Variants in CYB561 observed in about 807,000 individuals in gnomAD.
CYB561 encodes cytochrome b561, also known as transmembrane ascorbate-dependent reductase CYB561.
A neutral mutation model predicts 25.3 loss-of-function variants in CYB561; 11 were observed. The observed-to-expected ratio is 0.44, with a 90% CI of 0.27 to 0.72. CYB561 has a LOEUF of 0.72. Ranked by LOEUF, CYB561 falls within the 30% of genes least tolerant of loss-of-function variation. The pLI is 0.18. For synonymous variants in CYB561, 165 were observed against 158.8 expected, an observed-to-expected ratio of 1.04 and a Z score of -0.29; for missense variants, 295 against 334.9, an observed-to-expected ratio of 0.88 and a Z score of 0.93.
intron 4 of CYB561, 132 bp from the exon 5 acceptor site, chr17:63,435,375 T>TCC: frequency 1.0e-6 from 1 of 981,820 alleles, no homozygotes; most frequent in Non-Finnish European, 1.5e-6. Context: ...TCCTTCCTCC[T>TCC]CAGCACAGTG....
At position 63,434,414 on chromosome 17, in the gene CYB561, G is replaced by A. The variant is rs148303921; in HGVS notation, c.744C>T (p.Pro248=). The A allele has an allele frequency of 6.5e-5, 102 of 1,570,722 alleles. No homozygotes were observed. Among genetic ancestry groups the A allele is most frequent in the African/African-American group, 2.7e-4 (20 of 74,062 alleles). ...CCGGCCGGGCGCATCACTGGGAGCC[G>A]GGGCTATCTCCCTCCGTCAGCGTCT... The part of the protein sequence containing the change: ...DFKTLTEGDS[P]GSQ Residue 248 remains proline (P), a synonymous_variant, in exon 6 of 6, where the codon CCC becomes CCT. Transcript: ENST00000360793.
intron 5 of CYB561, among the ~76,000 whole-genome samples, 198 bp from the exon 6 acceptor site, chr17:63,434,792 C>T (rs1010073944): frequency 1.3e-5 from 2 of 152,108 alleles, no homozygotes; most frequent in African/African-American, 4.8e-5. Context: ...AAGAGATGGG[C>T]AATGTAAAAA....
At chr17:63,442,207 G>T (rs982788291) in intron 1 of CYB561, among the ~76,000 whole-genome samples, 1 of 152,242 alleles carries the variant, frequency 6.6e-6, no homozygotes, top group African/African-American at 2.4e-5. Flanking sequence ...CTTTACAGGA[G>T]ATAAGCGGAA....
chr17:63,435,163 G>C lies in CYB561; in HGVS notation c.486C>G (p.Phe162Leu), dbSNP rs1222556907. 2 of 1,614,190 alleles carry C rather than the reference G, an allele frequency of 1.2e-6. No homozygotes were observed. Among genetic ancestry groups the C allele is most frequent in the South Asian group, 2.2e-5 (2 of 91,088 alleles). The change falls in exon 5 of 6, where the codon TTC becomes TTG. Residue 162 changes from phenylalanine to leucine, a missense_variant. Coordinates refer to ENST00000360793, the MANE Select transcript of CYB561 (RefSeq NM_001915.4). ...AAAGGAGGAAGATGGTAGCACCAAA[G>C]AAGATGTGCTGTGGGCGGTAGCGGC... ...LRSRYRPQHI[F>L]FGATIFLLSV...
chr17:63,434,029 G>A lies in CYB561; in HGVS notation c.*373C>T, dbSNP rs1213211804. 4.1e-6 allele frequency: 1 copy of A among 246,306 alleles called. No homozygotes were observed. The highest frequency in any genetic ancestry group is 7.8e-6 in the Non-Finnish European group (1 of 128,976). 15.3% of individuals were successfully genotyped at this position (246,306 alleles called of 1,614,324 possible). ...GTGGCCTTTCCAGGCCTGTCCCTGA[G>A]GCCCCCCCAGTTTCCCCTGGCCTTG... On this transcript the variant is annotated 3_prime_UTR_variant, in exon 6 of 6. Coordinates refer to ENST00000360793, the MANE Select transcript of CYB561 (RefSeq NM_001915.4).
At position 63,436,272 on chromosome 17, in the gene CYB561, C is replaced by CG; in HGVS notation, c.203-121_203-120insC. ...TGAGCTGACGGCTTGTAACAGGAGC[C>CG]TAGCTGCAGGAACCGGAGGAGAAAG... On this transcript the variant is annotated intron_variant, in intron 2 of 5. Coordinates refer to ENST00000360793, the MANE Select transcript of CYB561 (RefSeq NM_001915.4). The surrounding 1 kb of genome is among the most constrained non-coding windows in gnomAD (Gnocchi z 4.8). The CG allele has an allele frequency of 7.8e-7, 1 of 1,277,260 alleles. No individual in the cohort carries two copies. The allele number at this position is 1,277,260 out of a possible 1,614,324, so 79.1% of individuals were successfully genotyped here. A position where few individuals can be genotyped will look rare whatever the true frequency, so the allele number is the denominator to read the frequency against.
intron 1 of CYB561, chr17:63,445,835 C>T (rs1243857386): frequency 6.6e-6 from 1 of 152,266 alleles, no homozygotes; most frequent in Non-Finnish European, 1.5e-5. Context: ...GAGGCGGTGG[C>T]TCCGGTTTCA....
At chr17:63,444,365 C>T (rs747222414) in intron 1 of CYB561, among the ~76,000 whole-genome samples, 47 of 152,226 alleles carry the variant, frequency 3.1e-4, no homozygotes, top group Non-Finnish European at 2.9e-4. Flanking sequence ...AAGCCTGCTT[C>T]CTAATCTATA....
chr17:63,438,394 T>C lies in CYB561; in HGVS notation c.-13-834A>G, dbSNP rs1347241317. ...TCCCCCATCCTGGTTTTTAACTCCA[T>C]GCTGGCGATGAGGAGGCCTCCCCAC... On this transcript the variant is annotated intron_variant, in intron 1 of 5. Transcript: ENST00000360793. 3 of 570,520 alleles carry C rather than the reference T, an allele frequency of 5.3e-6. No individual in the cohort carries two copies. The Admixed American group carries it at 9.1e-5, about 17-fold the overall frequency. The allele number at this position is 570,520 out of a possible 1,614,324, so 35.3% of individuals were successfully genotyped here.
At position 63,433,691 on chromosome 17, in the gene CYB561, C is replaced by T. The variant is rs1456876523; in HGVS notation, c.*711G>A. ...CCATCCCCAACCCCCATGTCTGGAG[C>T]AGCCTGGGAGGAGGCCCGCCTGCAT... is the stretch of plus-strand genomic sequence containing the variant. On this transcript the variant is annotated 3_prime_UTR_variant, in exon 6 of 6. Coordinates refer to ENST00000360793, the MANE Select transcript of CYB561 (RefSeq NM_001915.4). 17 of 323,090 alleles carry T rather than the reference C, an allele frequency of 5.3e-5. No homozygotes were observed. In the East Asian group the frequency reaches 8.2e-4, roughly 16 times the overall value. 20.0% of individuals were successfully genotyped at this position (323,090 alleles called of 1,614,324 possible).
In CYB561 at chr17:63,435,804, C is replaced by T; in HGVS notation, c.302-13G>A. On this transcript the variant is annotated splice_polypyrimidine_tract_variant and intron_variant, in intron 3 of 5. Coordinates refer to ENST00000360793, the MANE Select transcript of CYB561 (RefSeq NM_001915.4). The stretch of plus-strand genomic sequence containing the variant: ...ACCGCCACCAAGCCTGGGCCAGAGA[C>T]AGGTCATATGAGGACAGGGTTGGAT... 1 of 1,613,030 alleles carries T rather than the reference C, an allele frequency of 6.2e-7. No individual in the cohort carries two copies. Among genetic ancestry groups the T allele is most frequent in the East Asian group, 2.2e-5 (1 of 44,874 alleles).
At position 63,436,251 on chromosome 17, in the gene CYB561, C is replaced by T; in HGVS notation, c.203-99G>A. Reference sequence around the variant, plus strand: ...CACCTTGGTGGAGAGGTGATGTGAGCTGACGGCTTGTAACAGGAGCCTAGC... The same window carrying T: ...CACCTTGGTGGAGAGGTGATGTGAGTTGACGGCTTGTAACAGGAGCCTAGC... On this transcript the variant is annotated intron_variant, in intron 2 of 5. Coordinates refer to ENST00000360793, the MANE Select transcript of CYB561 (RefSeq NM_001915.4). The surrounding 1 kb of genome is among the most constrained non-coding windows in gnomAD (Gnocchi z 4.8). 2.1e-6 allele frequency: 3 copies of T among 1,432,156 alleles called. No individual in the cohort carries two copies. Among genetic ancestry groups the T allele is most frequent in the Non-Finnish European group, 2.9e-6 (3 of 1,050,718 alleles). The allele number at this position is 1,432,156 out of a possible 1,614,324, so 88.7% of individuals were successfully genotyped here. A position where few individuals can be genotyped will look rare whatever the true frequency, so the allele number is the denominator to read the frequency against.
At chr17:63,437,975 G>GGCTC in intron 1 of CYB561, 2 of 89,522 alleles carry the variant, frequency 2.2e-5, no homozygotes, top group Non-Finnish European at 4.1e-5. Context: ...CGGCGGCCCC[G>GGCTC]CCACCCTCCC....
In CYB561 at chr17:63,436,256, G is replaced by C; in HGVS notation, c.203-104C>G. On this transcript the variant is annotated intron_variant, in intron 2 of 5. Coordinates refer to ENST00000360793, the MANE Select transcript of CYB561 (RefSeq NM_001915.4). This position sits in a 1 kb window ranked among gnomAD's most constrained non-coding sequence, Gnocchi z 4.8. ...TGGTGGAGAGGTGATGTGAGCTGAC[G>C]GCTTGTAACAGGAGCCTAGCTGCAG... is the stretch of plus-strand genomic sequence containing the variant. 2.9e-6 allele frequency: 4 copies of C among 1,390,294 alleles called. No individual in the cohort carries two copies. Among genetic ancestry groups the C allele is most frequent in the Non-Finnish European group, 3.9e-6 (4 of 1,019,030 alleles). 86.1% of individuals were successfully genotyped at this position (1,390,294 alleles called of 1,614,324 possible).
intron 4 of CYB561, 119 bp downstream of exon 4, chr17:63,435,569 C>T (rs1305066315): frequency 1.4e-5 from 12 of 885,382 alleles, no homozygotes; most frequent in African/African-American, 5.0e-5. Flanking sequence ...AGGCAGCTCT[C>T]TCACCTGCAC....
intron 1 of CYB561, chr17:63,438,121 C>T (rs1402251835): frequency 6.5e-7 from 1 of 1,534,486 alleles, no homozygotes; most frequent in Non-Finnish European, 8.7e-7. Flanking sequence ...ACAGGCGTGA[C>T]CTGGGACACG....
At chr17:63,444,888 G>C (rs1384419732) in intron 1 of CYB561, among the ~76,000 whole-genome samples, 1 of 152,210 alleles carries the variant, frequency 6.6e-6, no homozygotes, top group Non-Finnish European at 1.5e-5. Flanking sequence ...AAAAGTAGTA[G>C]GACAAGGCTG....
rs140030064 is a variant in CYB561, at chr17:63,435,135, C to T, written c.514G>A (p.Val172Met). Reference sequence around the variant, plus strand: ...TTCAGGCCCAGCAGGGCGGTGCCCACGGAAAGGAGGAAGATGGTAGCACCA... The same window carrying T: ...TTCAGGCCCAGCAGGGCGGTGCCCATGGAAAGGAGGAAGATGGTAGCACCA... ...FFGATIFLLS[V>M]GTALLGLKEA... Residue 172 changes from valine (V) to methionine (M), a missense_variant, in exon 5 of 6, where the codon GTG (valine) becomes ATG (methionine). Transcript: ENST00000360793. The T allele has an allele frequency of 2.3e-5, 37 of 1,614,028 alleles. No homozygotes were observed. The African/African-American group carries it at 2.7e-4, about 12-fold the overall frequency.
chr17:63,435,504 G>A (rs1251910714), intron 4 of CYB561, 184 bp downstream of exon 4: 1 of 694,108 alleles, frequency 1.4e-6, no homozygotes, highest in African/African-American at 1.8e-5. Context: ...GGGGCGCCTG[G>A]GAGCTGGGCA....
Sources: allele counts gnomAD v4.1 joint callset (sites outside exome capture counted in the v4.1 genomes callset), GRCh38; gene constraint gnomAD v4.1.1; non-coding constraint Gnocchi (gnomAD v3.1); transcripts MANE v1.5; gene names NCBI Gene and HGNC (gene_info 2026-07-23, HGNC 2026-07-21).